The following IARS1 variants were observed in gnomAD, a reference collection of about 807,000 sequenced individuals.
IARS1 encodes isoleucine--tRNA ligase, cytoplasmic.
Under a neutral mutation model 168.2 loss-of-function variants are expected in IARS1, and 124 were observed. The observed-to-expected ratio is 0.74, with a 90% confidence interval of 0.64 to 0.86. The LOEUF is 0.86. Ranked by LOEUF, IARS1 falls within the 40% of genes least tolerant of loss-of-function variation. The probability of loss-of-function intolerance (pLI) is 0.00; values close to 1 mark genes in which losing one functional copy is unlikely to be tolerated. For missense variants in IARS1, 1,452 were observed against 1,515.8 expected, an observed-to-expected ratio of 0.96 and a Z score of 0.70; for synonymous variants, 532 against 529.4, an observed-to-expected ratio of 1.00 and a Z score of -0.07.
intron 2 of IARS1, 73 bp from the exon 3 acceptor site, chr9:92,288,355 C>G (rs1835787808): frequency 7.8e-7 from 1 of 1,286,986 alleles, no homozygotes; most frequent in African/African-American, 1.5e-5. Flanking sequence ...ATAGATAGCT[C>G]TTGTCATAGT....
intron 32 of IARS1, 119 bp downstream of exon 32, chr9:92,223,227 A>T: frequency 1.2e-6 from 1 of 856,980 alleles, no homozygotes; most frequent in Non-Finnish European, 1.7e-6. Context: ...AAGTTGCGTG[A>T]GAGCCCACAC....
Position 92,235,305 on chromosome 9 carries a change from GA to G in IARS1, c.3283+5550del, listed in dbSNP as rs554915420. Among the ~76,000 whole-genome samples the G allele has an allele frequency of 1.3e-4, 20 of 152,270 alleles. No individual in the cohort carries two copies. The East Asian group carries it at 3.9e-3, about 29-fold the overall frequency. ...ATTGCCTTGTTCCTGATTTTAGGTA[GA>G]AAGAATTCAGGCTTTCCCCATTAGG... is the stretch of plus-strand genomic sequence containing the variant. On this transcript the variant is annotated intron_variant, in intron 30 of 33. Transcript: ENST00000443024.
At chr9:92,218,491 G>C (rs1839126295) in intron 33 of IARS1, among the ~76,000 whole-genome samples, 1 of 106,466 alleles carries the variant, frequency 9.4e-6, no homozygotes, top group Non-Finnish European at 1.8e-5. Flanking sequence ...AATTGTCCCT[G>C]TTTGCAGATG....
intron 30 of IARS1, among the ~76,000 whole-genome samples, chr9:92,237,618 C>T (rs1180340557): frequency 6.6e-6 from 1 of 152,114 alleles, no homozygotes; most frequent in Non-Finnish European, 1.5e-5. Flanking sequence ...CTTTTTATTT[C>T]ATGTATTTTG....
intron 33 of IARS1, among the ~76,000 whole-genome samples, chr9:92,214,982 CAA>C (rs1838403368): frequency 6.6e-6 from 1 of 152,218 alleles, no homozygotes; most frequent in Non-Finnish European, 1.5e-5. Flanking sequence ...CACAGACAAA[CAA>C]AAAGACAGCA....
In IARS1 at chr9:92,240,924, C is replaced by T; in HGVS notation, c.3215G>A (p.Gly1072Glu). 6.2e-7 allele frequency: 1 copy of T among 1,613,352 alleles called. No individual in the cohort carries two copies. The highest frequency in any genetic ancestry group is 1.1e-5 in the South Asian group (1 of 91,026). Residue 1072 changes from glycine to glutamate, a missense_variant, in exon 30 of 34, where the codon GGA (glycine) becomes GAA (glutamate). Physicochemically the swap from Gly to Glu is moderately conservative, Grantham distance 98. Transcript: ENST00000443024. Reference sequence around the variant, plus strand: ...ACAAGCAGGACCAGGAAGGGAAGATCCTCTGGTGAGTGTAATTTCCAGTTC... The same window carrying T: ...ACAAGCAGGACCAGGAAGGGAAGATTCTCTGGTGAGTGTAATTTCCAGTTC... ...GSELEITLTRGSSLPGPACAY... is the reference protein window; with the variant it reads ...GSELEITLTRESSLPGPACAY...
chr9:92,222,039 C>T (rs555387870), intron 33 of IARS1, among the ~76,000 whole-genome samples: 65 of 152,098 alleles, frequency 4.3e-4, no homozygotes, highest in South Asian at 6.2e-4. Context: ...TATTATTGAC[C>T]GGGCATCACG....
intron 6 of IARS1, among the ~76,000 whole-genome samples, chr9:92,283,144 G>T (rs988296169): frequency 6.6e-6 from 1 of 152,116 alleles, no homozygotes; most frequent in African/African-American, 2.4e-5. Context: ...AAAACCCTTG[G>T]TTAACAATCA....
intron 17 of IARS1, among the ~76,000 whole-genome samples, chr9:92,261,161 T>A (rs1831470087): frequency 6.6e-6 from 1 of 151,908 alleles, no homozygotes. Context: ...TACAAAATAT[T>A]AGCTGGGTGT....
At chr9:92,251,051 G>T in intron 22 of IARS1, 1 of 592,246 alleles carries the variant, frequency 1.7e-6, no homozygotes, top group Admixed American at 2.2e-5. Flanking sequence ...AGCACCTCTA[G>T]AATTCTGAAG....
chr9:92,285,634 T>TCTACTTGGGAATAC, intron 6 of IARS1, 88 bp downstream of exon 6: 1 of 765,826 alleles, frequency 1.3e-6, no homozygotes, highest in East Asian at 2.5e-5. Context: ...CCACACTGGG[T>TCTACTTGGGAATAC]CTACTTGGGA....
At chr9:92,214,191 C>A (rs1226857169) in intron 33 of IARS1, among the ~76,000 whole-genome samples, 2 of 151,850 alleles carry the variant, frequency 1.3e-5, no homozygotes, top group Non-Finnish European at 1.5e-5. Flanking sequence ...CTTCTTAAAA[C>A]TGGGCTTCAA....
At chr9:92,252,507 C>T (rs1830148751) in intron 21 of IARS1, 1 of 446,492 alleles carries the variant, frequency 2.2e-6, no homozygotes, top group African/African-American at 2.0e-5. Flanking sequence ...TGGTTCACAC[C>T]TGTAACACCA....
chr9:92,226,368 A>C (rs1825677314), intron 31 of IARS1, among the ~76,000 whole-genome samples: 1 of 152,230 alleles, frequency 6.6e-6, no homozygotes, highest in African/African-American at 2.4e-5. Flanking sequence ...GGCAGTTAAT[A>C]GTACCTCACT....
At chr9:92,234,910 C>A (rs1316938080) in intron 30 of IARS1, among the ~76,000 whole-genome samples, 1 of 151,186 alleles carries the variant, frequency 6.6e-6, no homozygotes, top group Non-Finnish European at 1.5e-5. Flanking sequence ...ATGGCGCGAT[C>A]TCGGCTCACT....
At chr9:92,241,692 C>T (rs1298399463) in intron 29 of IARS1, among the ~76,000 whole-genome samples, 1 of 152,142 alleles carries the variant, frequency 6.6e-6, no homozygotes, top group African/African-American at 2.4e-5. Flanking sequence ...ACCTTAATAT[C>T]ATACTTTCAT....
chr9:92,237,618 C>A (rs1180340557), intron 30 of IARS1, among the ~76,000 whole-genome samples: 1 of 152,114 alleles, frequency 6.6e-6, no homozygotes, highest in Non-Finnish European at 1.5e-5. Flanking sequence ...CTTTTTATTT[C>A]ATGTATTTTG....
chr9:92,251,053 A>G (rs1829943654), intron 22 of IARS1: 1 of 586,670 alleles, frequency 1.7e-6, no homozygotes, highest in African/African-American at 1.8e-5. Context: ...CACCTCTAGA[A>G]TTCTGAAGGA....
intron 31 of IARS1, among the ~76,000 whole-genome samples, chr9:92,228,571 AGCATGGTGGTG>A (rs1564159732): frequency 1.2e-5 from 1 of 83,666 alleles, no homozygotes; most frequent in Non-Finnish European, 2.0e-5. Flanking sequence ...AAATTAGCCA[AGCATGGTGGTG>A]GCATGCCTGT....
Sources: gnomAD v4.1 joint callset for allele counts (sites outside exome capture counted in the v4.1 genomes callset) on GRCh38, gnomAD v4.1.1 for gene constraint, MANE v1.5 for transcripts, NCBI Gene and HGNC (gene_info 2026-07-23, HGNC 2026-07-21) for gene names.